Variants in CYRIA observed in about 807,000 individuals in gnomAD.
CYRIA encodes CYFIP-related Rac1 interactor A.
Under a neutral mutation model 43.9 loss-of-function variants are expected in CYRIA, and 15 were observed. The observed-to-expected ratio is 0.34, with a 90% CI of 0.23 to 0.53. CYRIA has a LOEUF of 0.53. Ranked by LOEUF, CYRIA falls within the 20% of genes least tolerant of loss-of-function variation. The probability of loss-of-function intolerance (pLI) is 0.94; values close to 1 mark genes in which losing one functional copy is unlikely to be tolerated. For synonymous variants in CYRIA, 117 were observed against 136.0 expected (o/e 0.86, Z 0.97); for missense variants, 236 against 394.2 (o/e 0.60, Z 3.40).
intron 2 of CYRIA, among the ~76,000 whole-genome samples, chr2:16,622,283 G>A (rs942162985): frequency 6.6e-6 from 1 of 152,212 alleles, no homozygotes; most frequent in African/African-American, 2.4e-5. Flanking sequence ...GGGTATGGCA[G>A]AGAAAACCTT....
intron 4 of CYRIA, among the ~76,000 whole-genome samples, chr2:16,564,946 T>C (rs1388702028): frequency 6.6e-6 from 1 of 152,204 alleles, no homozygotes; most frequent in African/African-American, 2.4e-5. Context: ...CCTGAGTAAT[T>C]ACCAAATGCC....
At chr2:16,653,768 C>A (rs946909340) in intron 1 of CYRIA, among the ~76,000 whole-genome samples, 1 of 152,162 alleles carries the variant, frequency 6.6e-6, no homozygotes, top group Non-Finnish European at 1.5e-5. Flanking sequence ...GAATGTTACA[C>A]CAGAAGCGAA....
intron 3 of CYRIA, among the ~76,000 whole-genome samples, chr2:16,572,000 C>T (rs1395479803): frequency 1.3e-5 from 2 of 152,200 alleles, no homozygotes; most frequent in African/African-American, 4.8e-5. Flanking sequence ...AGTCATCTTA[C>T]ACCAGGGCCC....
chr2:16,578,403 A>T (rs1667428377), intron 3 of CYRIA, among the ~76,000 whole-genome samples: 1 of 152,244 alleles, frequency 6.6e-6, no homozygotes, highest in Non-Finnish European at 1.5e-5. Context: ...AAAAGTAAAG[A>T]TTAATAATAG....
intron 3 of CYRIA, among the ~76,000 whole-genome samples, chr2:16,584,806 GA>G (rs1667668730): frequency 2.0e-5 from 3 of 152,068 alleles, no homozygotes; most frequent in African/African-American, 7.2e-5. Flanking sequence ...TGTGCCTGTA[GA>G]AAAACCACTC....
At chr2:16,610,498 G>A (rs1157991443) in intron 2 of CYRIA, among the ~76,000 whole-genome samples, 1 of 152,144 alleles carries the variant, frequency 6.6e-6, no homozygotes. Context: ...TTGGCATTAG[G>A]TTGCCTGAAT....
intron 2 of CYRIA, among the ~76,000 whole-genome samples, chr2:16,611,996 T>C (rs1477730716): frequency 2.0e-5 from 3 of 152,106 alleles, no homozygotes; most frequent in Non-Finnish European, 4.4e-5. Context: ...GGGGGACTCC[T>C]TGCCCTCTGC....
intron 2 of CYRIA, 81 bp from the exon 3 acceptor site, chr2:16,588,210 A>G (rs1667802150): frequency 3.4e-6 from 3 of 869,704 alleles, no homozygotes; most frequent in Non-Finnish European, 5.4e-6. Context: ...GGCCCCCCAT[A>G]GCTACCTTTG....
chr2:16,643,612 T>C (rs1296038811), intron 1 of CYRIA, among the ~76,000 whole-genome samples: 4 of 152,258 alleles, frequency 2.6e-5, no homozygotes, highest in Non-Finnish European at 2.9e-5. Flanking sequence ...ATTACACATA[T>C]ATTCACACCT....
intron 3 of CYRIA, among the ~76,000 whole-genome samples, chr2:16,578,947 G>T (rs925691983): frequency 6.6e-5 from 10 of 151,978 alleles, no homozygotes; most frequent in Non-Finnish European, 1.2e-4. Flanking sequence ...TAATTACAAA[G>T]AAAACATACC....
At chr2:16,646,209 A>G (rs1363468719) in intron 1 of CYRIA, among the ~76,000 whole-genome samples, 2 of 152,334 alleles carry the variant, frequency 1.3e-5, no homozygotes, top group Non-Finnish European at 2.9e-5. Context: ...CTAAGGAGAC[A>G]GTTGGTAGAA....
intron 2 of CYRIA, among the ~76,000 whole-genome samples, chr2:16,608,339 T>C (rs967700722): frequency 2.0e-5 from 3 of 152,232 alleles, no homozygotes; most frequent in African/African-American, 4.8e-5. Flanking sequence ...TTTGAAAATC[T>C]AATGAAAACT....
chr2:16,665,202 C>T (rs1670357785), intron 1 of CYRIA, among the ~76,000 whole-genome samples: 1 of 152,090 alleles, frequency 6.6e-6, no homozygotes, highest in African/African-American at 2.4e-5. Flanking sequence ...TGGAAAAGTG[C>T]CTTTTGCCAA....
At position 16,559,591 on chromosome 2, in the gene CYRIA, A is replaced by G. The variant is rs761291385; in HGVS notation, c.711-5T>C. ...GTAAACCTACTTCTGTACTCCCTGC[A>G]AGAGAAGAAACAGCAGTGGCGTCAC... On this transcript the variant is annotated splice_region_variant and splice_polypyrimidine_tract_variant and intron_variant, in intron 9 of 11. Transcript: ENST00000381323. 6.2e-7 allele frequency: 1 copy of G among 1,610,988 alleles called. No homozygotes were observed. Among genetic ancestry groups the G allele is most frequent in the Non-Finnish European group, 8.5e-7 (1 of 1,178,352 alleles).
intron 1 of CYRIA, among the ~76,000 whole-genome samples, chr2:16,645,674 T>C (rs1031234041): frequency 6.6e-6 from 1 of 152,174 alleles, no homozygotes; most frequent in Non-Finnish European, 1.5e-5. Flanking sequence ...AGAAAATGCT[T>C]TGGAAGGTGA....
chr2:16,648,327 CAAAA>C lies in CYRIA; in HGVS notation c.-167+17449_-167+17452del, dbSNP rs59091239. 6.6e-3 allele frequency among the ~76,000 whole-genome samples: 807 copies of C among 122,186 alleles called. 10 individuals carry two copies. The highest frequency in any genetic ancestry group is 0.021 in the African/African-American group (757 of 36,592). 80.2% of individuals were successfully genotyped at this position (122,186 alleles called of 152,430 possible). ...AGGGTAGGAACAACAATGACAACAG[CAAAA>C]AAAAAAAAAAAGAATGTAATGAATA... On this transcript the variant is annotated intron_variant, in intron 1 of 11. Transcript: ENST00000381323.
chr2:16,657,115 G>A (rs1487105765), intron 1 of CYRIA, among the ~76,000 whole-genome samples: 1 of 152,164 alleles, frequency 6.6e-6, no homozygotes, highest in African/African-American at 2.4e-5. Flanking sequence ...GAGAGACAAA[G>A]GAAGAAGTCA....
At chr2:16,569,895 T>C (rs1667069117) in intron 3 of CYRIA, among the ~76,000 whole-genome samples, 1 of 152,200 alleles carries the variant, frequency 6.6e-6, no homozygotes, top group Non-Finnish European at 1.5e-5. Context: ...ACATAGTAGA[T>C]GCTCAAGAAA....
intron 1 of CYRIA, among the ~76,000 whole-genome samples, chr2:16,661,304 C>A (rs1390589913): frequency 3.9e-5 from 6 of 152,076 alleles, no homozygotes; most frequent in Non-Finnish European, 8.8e-5. Flanking sequence ...AAACTGAATC[C>A]AAGTCACCTT....
Sources: allele counts gnomAD v4.1 joint callset (sites outside exome capture counted in the v4.1 genomes callset), GRCh38; gene constraint gnomAD v4.1.1; transcripts MANE v1.5; gene names NCBI Gene and HGNC (gene_info 2026-07-23, HGNC 2026-07-21).